GRIK2: variants seen among roughly 807,000 people sequenced by gnomAD.
GRIK2 encodes glutamate receptor ionotropic, kainate 2.
GRIK2 carries 32 observed loss-of-function variants against 100.3 expected under a neutral mutation model. The observed-to-expected ratio is 0.32, with a 90% confidence interval of 0.24 to 0.43. The LOEUF (loss-of-function observed/expected upper bound fraction) is 0.43. Ranked by LOEUF, GRIK2 falls within the 20% of genes least tolerant of loss-of-function variation. GRIK2 has a pLI of 1.00. For synonymous variants in GRIK2, 417 were observed against 389.4 expected (o/e 1.07, Z -0.83); for missense variants, 843 against 1,114.9 (o/e 0.76, Z 3.47).
Position 101,523,720 on chromosome 6 carries a change from CTTTTTTT to C in GRIK2, c.116-98216_116-98210del, listed in dbSNP as rs1163558120. Among the ~76,000 whole-genome samples, 1,040 of 121,536 alleles carry C rather than the reference CTTTTTTT, an allele frequency of 8.6e-3. 21 individuals carry two copies. Among genetic ancestry groups the C allele is most frequent in the Non-Finnish European group, 0.01 (601 of 58,232 alleles). 79.7% of individuals were successfully genotyped at this position (121,536 alleles called of 152,430 possible). A position where few individuals can be genotyped will look rare whatever the true frequency, so the allele number is the denominator to read the frequency against. On this transcript the variant is annotated intron_variant, in intron 2 of 16. Transcript: ENST00000369134. ...AAATAGAACATAATGACTCCTAAGT[CTTTTTTT>C]TTTTTTTTTTTTGATGGAGTCTCAC...
intron 11 of GRIK2, among the ~76,000 whole-genome samples, chr6:101,870,877 G>A (rs189333551): frequency 2.6e-5 from 4 of 151,950 alleles, no homozygotes; most frequent in Admixed American, 1.3e-4. Context: ...AGCAGATACT[G>A]TCAGATATAT....
intron 2 of GRIK2, among the ~76,000 whole-genome samples, chr6:101,449,192 A>G (rs942946402): frequency 2.0e-5 from 3 of 151,794 alleles, no homozygotes; most frequent in Non-Finnish European, 3.0e-5. Context: ...ATTTGTAATC[A>G]AATAAATGTC....
intron 7 of GRIK2, among the ~76,000 whole-genome samples, chr6:101,757,206 A>G (rs1166683198): frequency 1.3e-5 from 2 of 152,158 alleles, no homozygotes; most frequent in African/African-American, 4.8e-5. Flanking sequence ...TACATTATCT[A>G]TCAAAAGAAA....
In GRIK2 at chr6:101,809,092, ACTTTC is replaced by A. The variant is rs1781174718; in HGVS notation, c.1203+6655_1203+6659del. 2.0e-5 allele frequency among the ~76,000 whole-genome samples: 3 copies of A among 151,868 alleles called. No individual in the cohort carries two copies. In the South Asian group the frequency reaches 6.2e-4, roughly 31 times the overall value. ...AAAAGGTTTAAATTTGTCATATTTT[ACTTTC>A]ATGTGAAGCTTCATTTTAACTTTTA... On this transcript the variant is annotated intron_variant, in intron 9 of 16. Transcript: ENST00000369134.
chr6:101,993,324 T>C (rs1794472116), intron 14 of GRIK2: 1 of 77,812 alleles, frequency 1.3e-5, no homozygotes, highest in East Asian at 4.4e-4. Context: ...GGTGACTCTA[T>C]TTTCTCAAAG....
intron 14 of GRIK2, among the ~76,000 whole-genome samples, chr6:102,002,290 A>ATGTG (rs971300375): frequency 2.0e-5 from 3 of 147,592 alleles, no homozygotes; most frequent in African/African-American, 7.4e-5. Context: ...GTGTGTATAT[A>ATGTG]TGTGTGTGTG....
rs185107722 is a variant in GRIK2, at chr6:101,946,245, T to C, written c.2085+17613T>C. ...ACAAACATGCACACATATCTTCTGA[T>C]ATATATAATATGTATGTGTGTGCAT... On this transcript the variant is annotated intron_variant, in intron 14 of 16. Coordinates refer to ENST00000369134, the MANE Select transcript of GRIK2 (RefSeq NM_021956.5). 1.9e-3 allele frequency among the ~76,000 whole-genome samples: 282 copies of C among 152,174 alleles called. 1 individual carries two copies. The highest frequency in any genetic ancestry group is 0.017 in the Admixed American group (263 of 15,250).
chr6:101,590,562 G>A (rs2128306365), intron 2 of GRIK2, among the ~76,000 whole-genome samples: 1 of 152,092 alleles, frequency 6.6e-6, no homozygotes. Context: ...AGCCCACAGT[G>A]CTTCAGTGAA....
intron 4 of GRIK2, among the ~76,000 whole-genome samples, chr6:101,666,000 A>T (rs191514382): frequency 6.6e-6 from 1 of 152,126 alleles, no homozygotes; most frequent in Admixed American, 6.6e-5. Flanking sequence ...TTATTTAGGC[A>T]CCCTGAAGGC....
chr6:101,553,603 T>G (rs1776610520), intron 2 of GRIK2, among the ~76,000 whole-genome samples: 1 of 152,130 alleles, frequency 6.6e-6, no homozygotes, highest in Non-Finnish European at 1.5e-5. Context: ...TGTAATTTGG[T>G]TACTAGATAG....
intron 9 of GRIK2, among the ~76,000 whole-genome samples, chr6:101,814,509 TAA>T (rs1165762007): frequency 6.6e-6 from 1 of 152,108 alleles, no homozygotes; most frequent in Non-Finnish European, 1.5e-5. Flanking sequence ...TAAACCTTTA[TAA>T]TATAATCTGA....
intron 10 of GRIK2, among the ~76,000 whole-genome samples, chr6:101,844,729 G>C (rs1306786651): frequency 6.6e-6 from 1 of 152,120 alleles, no homozygotes; most frequent in Non-Finnish European, 1.5e-5. Flanking sequence ...GCAATTTGAG[G>C]ACACATGACA....
chr6:101,767,967 TCA>T (rs1778141496), intron 7 of GRIK2, among the ~76,000 whole-genome samples: 2 of 152,044 alleles, frequency 1.3e-5, no homozygotes, highest in African/African-American at 2.4e-5. Context: ...CAAGTGATCC[TCA>T]CACCTCAGCC....
At chr6:102,031,105 ACACACACACACACACACACACACC>A (rs1312724589) in intron 14 of GRIK2, among the ~76,000 whole-genome samples, 166 of 141,470 alleles carry the variant, frequency 1.2e-3, no homozygotes, top group African/African-American at 3.8e-3. Flanking sequence ...ACACACACAC[ACACACACACACACACACACACACC>A]CCCTTTGAGT....
intron 7 of GRIK2, among the ~76,000 whole-genome samples, chr6:101,712,375 A>C (rs1172135624): frequency 1.3e-5 from 2 of 151,872 alleles, no homozygotes; most frequent in African/African-American, 4.8e-5. Context: ...GAATTGGAGA[A>C]GCACGATTTC....
At chr6:101,857,977 C>T (rs1227322702) in intron 10 of GRIK2, among the ~76,000 whole-genome samples, 3 of 152,136 alleles carry the variant, frequency 2.0e-5, no homozygotes, top group Admixed American at 2.0e-4. Flanking sequence ...GGGCTTTTTA[C>T]CATGCTGTGT....
chr6:101,780,815 G>A (rs138740505), intron 7 of GRIK2, among the ~76,000 whole-genome samples: 16 of 152,282 alleles, frequency 1.1e-4, no homozygotes, highest in Non-Finnish European at 2.2e-4. Flanking sequence ...AGGCCCCAGC[G>A]TGAAAGATAC....
intron 6 of GRIK2, among the ~76,000 whole-genome samples, chr6:101,685,502 T>C (rs1771611966): frequency 6.6e-6 from 1 of 152,164 alleles, no homozygotes; most frequent in Non-Finnish European, 1.5e-5. Context: ...ATTTCCATGA[T>C]AGCTTTGGCC....
intron 14 of GRIK2, chr6:101,993,444 A>G (rs1158550012): frequency 6.6e-6 from 1 of 151,386 alleles, no homozygotes; most frequent in Non-Finnish European, 1.5e-5. Context: ...CATTTTATTG[A>G]AAGTTGACAT....
Sources: gnomAD v4.1 joint callset for allele counts (sites outside exome capture counted in the v4.1 genomes callset) on GRCh38, gnomAD v4.1.1 for gene constraint, MANE v1.5 for transcripts, NCBI Gene and HGNC (gene_info 2026-07-23, HGNC 2026-07-21) for gene names.